The following SHISA6 variants were observed in gnomAD, a reference collection of about 807,000 sequenced individuals.
SHISA6 encodes the protein shisa family member 6, also known as protein shisa-6.
Under a neutral mutation model 47.9 loss-of-function variants are expected in SHISA6, and 22 were observed. That is an observed-to-expected ratio of 0.46 (90% confidence interval 0.33 to 0.66). SHISA6 has a LOEUF of 0.66. Ranked by LOEUF, SHISA6 falls within the 30% of genes least tolerant of loss-of-function variation. SHISA6 has a pLI of 0.02. For synonymous variants in SHISA6, 388 were observed against 337.8 expected (o/e 1.15, Z -1.63); for missense variants, 680 against 764.6 (o/e 0.89, Z 1.30).
intron 4 of SHISA6, among the ~76,000 whole-genome samples, chr17:11,552,291 C>T (rs1490970293): frequency 6.6e-6 from 1 of 152,196 alleles, no homozygotes; most frequent in Non-Finnish European, 1.5e-5. Context: ...TTGTTCAAAG[C>T]TATTTGTGAT....
At chr17:11,537,972 C>A (rs1165106000) in intron 3 of SHISA6, among the ~76,000 whole-genome samples, 1 of 152,176 alleles carries the variant, frequency 6.6e-6, no homozygotes, top group Non-Finnish European at 1.5e-5. Context: ...GTGACAAATT[C>A]TCCAATTATC....
chr17:11,392,762 A>T (rs1397442362), intron 3 of SHISA6, among the ~76,000 whole-genome samples: 1 of 152,252 alleles, frequency 6.6e-6, no homozygotes, highest in African/African-American at 2.4e-5. Flanking sequence ...GATTAGAGAG[A>T]AGCTTACGCT....
At chr17:11,448,247 G>A (rs1915289255) in intron 3 of SHISA6, among the ~76,000 whole-genome samples, 1 of 152,048 alleles carries the variant, frequency 6.6e-6, no homozygotes, top group Admixed American at 6.6e-5. Context: ...AAACGATAAA[G>A]AGGCTGGGTG....
intron 2 of SHISA6, among the ~76,000 whole-genome samples, chr17:11,291,801 T>A (rs1009213054): frequency 6.6e-6 from 1 of 152,144 alleles, no homozygotes; most frequent in Non-Finnish European, 1.5e-5. Flanking sequence ...TGGTCACCCC[T>A]CTGTGTGTGC....
intron 2 of SHISA6, among the ~76,000 whole-genome samples, chr17:11,291,598 C>T (rs904382490): frequency 6.6e-6 from 1 of 152,110 alleles, no homozygotes; most frequent in African/African-American, 2.4e-5. Context: ...TGTGCCACTA[C>T]ACTCCGGCCT....
intron 1 of SHISA6, among the ~76,000 whole-genome samples, chr17:11,250,386 T>A (rs1402428109): frequency 6.6e-6 from 1 of 152,220 alleles, no homozygotes; most frequent in African/African-American, 2.4e-5. Context: ...AAGATAAGGC[T>A]GCCAGTGAGC....
intron 3 of SHISA6, among the ~76,000 whole-genome samples, chr17:11,461,221 C>T (rs188113212): frequency 2.1e-3 from 324 of 152,116 alleles, no homozygotes; most frequent in South Asian, 7.7e-3. Context: ...CACAGTGAAA[C>T]GCTGTCTCTA....
intron 3 of SHISA6, among the ~76,000 whole-genome samples, chr17:11,452,948 C>T (rs578073897): frequency 1.5e-4 from 23 of 149,786 alleles, no homozygotes; most frequent in African/African-American, 5.4e-4. Flanking sequence ...CTTCCTCCCT[C>T]TCCTTCTCAT....
At chr17:11,411,120 C>T (rs12165021) in intron 3 of SHISA6, among the ~76,000 whole-genome samples, 6,105 of 151,704 alleles carry the variant, frequency 0.04, 386 homozygotes, top group African/African-American at 0.14. Flanking sequence ...AGGCGCCTGC[C>T]GCCACGCCCG....
chr17:11,267,775 T>C (rs1908481239), intron 2 of SHISA6, among the ~76,000 whole-genome samples: 1 of 152,082 alleles, frequency 6.6e-6, no homozygotes, highest in South Asian at 2.1e-4. Context: ...TGGGTGGGGC[T>C]GAAGGGAGTG....
chr17:11,405,574 C>T (rs1849586), intron 3 of SHISA6, among the ~76,000 whole-genome samples: 1,616 of 152,116 alleles, frequency 0.011, 21 homozygotes, highest in African/African-American at 0.036. Flanking sequence ...GAGGCCGAGG[C>T]GGGTGGATCA....
rs1187505073 is a variant in SHISA6, at chr17:11,563,269, C to T, written c.*4965C>T. The stretch of plus-strand genomic sequence containing the variant: ...ACTCTGGAATATGTGTCCTGAAGAC[C>T]AAGTCTGGACACTGAGGCTCCATTC... On this transcript the variant is annotated 3_prime_UTR_variant, in exon 6 of 6. Transcript: ENST00000441885. The T allele has an allele frequency of 6.6e-6, 1 of 152,140 alleles. No individual in the cohort carries two copies. The highest frequency in any genetic ancestry group is 1.5e-5 in the Non-Finnish European group (1 of 68,040). 9.4% of individuals were successfully genotyped at this position (152,140 alleles called of 1,614,324 possible).
At chr17:11,315,076 C>A (rs529634682) in intron 2 of SHISA6, among the ~76,000 whole-genome samples, 1 of 152,122 alleles carries the variant, frequency 6.6e-6, no homozygotes, top group Non-Finnish European at 1.5e-5. Context: ...TTTTAAACAT[C>A]TTGAGTTTTC....
intron 3 of SHISA6, among the ~76,000 whole-genome samples, chr17:11,453,913 ACT>A (rs1175120375): frequency 6.6e-6 from 1 of 152,036 alleles, no homozygotes; most frequent in Non-Finnish European, 1.5e-5. Context: ...GACGTACTAC[ACT>A]CTGTTTATCG....
chr17:11,491,852 A>G (rs1351302251), intron 3 of SHISA6, among the ~76,000 whole-genome samples: 2 of 147,172 alleles, frequency 1.4e-5, no homozygotes, highest in African/African-American at 5.0e-5. Flanking sequence ...GCTAACTACA[A>G]CCTCCACCTC....
intron 3 of SHISA6, among the ~76,000 whole-genome samples, chr17:11,414,034 TCTC>T (rs1054411768): frequency 3.3e-5 from 5 of 151,452 alleles, no homozygotes; most frequent in Admixed American, 2.0e-4. Flanking sequence ...CTTTTCCTCT[TCTC>T]CTCTCTCCTT....
intron 3 of SHISA6, among the ~76,000 whole-genome samples, chr17:11,415,110 A>G (rs1914244229): frequency 6.6e-6 from 1 of 151,898 alleles, no homozygotes; most frequent in Non-Finnish European, 1.5e-5. Context: ...GAAAAAAACA[A>G]TGAATAAACT....
intron 3 of SHISA6, among the ~76,000 whole-genome samples, chr17:11,491,197 A>G (rs1329182606): frequency 6.6e-6 from 1 of 152,130 alleles, no homozygotes; most frequent in Non-Finnish European, 1.5e-5. Flanking sequence ...CCTGGAGGGG[A>G]GTCATATTGT....
chr17:11,277,241 TTCTCTCTCTCTCTCTC>T (rs139388009), intron 2 of SHISA6, among the ~76,000 whole-genome samples: 4 of 78,094 alleles, frequency 5.1e-5, no homozygotes, highest in African/African-American at 1.8e-4. Flanking sequence ...CGGTTTCTCT[TTCTCTCTCTCTCTCTC>T]TCTCTCTCTC....
Sources: allele counts gnomAD v4.1 joint callset (sites outside exome capture counted in the v4.1 genomes callset), GRCh38; gene constraint gnomAD v4.1.1; transcripts MANE v1.5; gene names NCBI Gene and HGNC (gene_info 2026-07-23, HGNC 2026-07-21).